L3MBTL4: variants seen among roughly 807,000 people sequenced by gnomAD.
L3MBTL4 encodes L3MBTL histone methyl-lysine binding protein 4, also known as lethal(3)malignant brain tumor-like protein 4.
In L3MBTL4, 70 loss-of-function variants were observed where a neutral mutation model predicts 84.5. The observed-to-expected ratio is 0.83, with a 90% CI of 0.68 to 1.01. The LOEUF (loss-of-function observed/expected upper bound fraction) is 1.01. Ranked by LOEUF, L3MBTL4 falls within the 50% of genes least tolerant of loss-of-function variation. The pLI is 0.00. For synonymous variants in L3MBTL4, 274 were observed against 259.8 expected (o/e 1.05, Z -0.52); for missense variants, 715 against 754.8 (o/e 0.95, Z 0.62).
intron 4 of L3MBTL4, among the ~76,000 whole-genome samples, chr18:6,287,859 A>G (rs986221212): frequency 1.3e-5 from 2 of 152,214 alleles, no homozygotes; most frequent in Non-Finnish European, 2.9e-5. Flanking sequence ...CCTGAGCAAC[A>G]TAATGAGACC....
At chr18:6,267,072 T>C (rs901642650) in intron 4 of L3MBTL4, among the ~76,000 whole-genome samples, 2 of 152,056 alleles carry the variant, frequency 1.3e-5, no homozygotes, top group Admixed American at 6.5e-5. Context: ...AGATGAAAAA[T>C]AAATCATATA....
intron 12 of L3MBTL4, among the ~76,000 whole-genome samples, chr18:6,172,740 ATTAT>A (rs890107922): frequency 1.3e-5 from 2 of 152,184 alleles, no homozygotes; most frequent in African/African-American, 4.8e-5. Context: ...CTTAAAAATA[ATTAT>A]TTCTTTTAAA....
chr18:6,254,602 A>G (rs1679993748), intron 5 of L3MBTL4, among the ~76,000 whole-genome samples: 1 of 152,094 alleles, frequency 6.6e-6, no homozygotes, highest in African/African-American at 2.4e-5. Context: ...TCATAGATTA[A>G]TTCTGAACTT....
chr18:6,086,274 C>T (rs115280765), intron 15 of L3MBTL4, among the ~76,000 whole-genome samples: 296 of 152,310 alleles, frequency 1.9e-3, no homozygotes, highest in African/African-American at 7.0e-3. Context: ...ACTAATATTT[C>T]CTCTACACAA....
At chr18:6,240,346 T>C (rs2047401851) in intron 8 of L3MBTL4, among the ~76,000 whole-genome samples, 1 of 151,466 alleles carries the variant, frequency 6.6e-6, no homozygotes, top group Non-Finnish European at 1.5e-5. Context: ...AGTGGCTTTT[T>C]CAATATTTAA....
intron 1 of L3MBTL4, among the ~76,000 whole-genome samples, chr18:6,406,736 C>T (rs1475392031): frequency 7.2e-5 from 11 of 152,178 alleles, no homozygotes; most frequent in East Asian, 1.9e-4. Context: ...TTCCTGTTAA[C>T]TGTACCGAGA....
chr18:5,995,884 G>A lies in L3MBTL4; in HGVS notation c.1445-26322C>T, dbSNP rs764796432. ...CCATTGATCCCCGCTACTTAGCAACGCTGTCTTTGTTATTTTGAGTTTTCA... is the reference window on the plus strand; with the variant it reads ...CCATTGATCCCCGCTACTTAGCAACACTGTCTTTGTTATTTTGAGTTTTCA... On this transcript the variant is annotated intron_variant, in intron 16 of 18. Coordinates refer to ENST00000317931, the MANE Select transcript of L3MBTL4 (RefSeq NM_001330559.2). Among the ~76,000 whole-genome samples the A allele has an allele frequency of 5.9e-5, 9 of 152,270 alleles. No individual in the cohort carries two copies. In the South Asian group the frequency reaches 6.2e-4, roughly 11 times the overall value.
intron 12 of L3MBTL4, among the ~76,000 whole-genome samples, chr18:6,173,047 A>C (rs1038784264): frequency 3.3e-5 from 5 of 152,190 alleles, no homozygotes; most frequent in Non-Finnish European, 1.5e-5. Flanking sequence ...GCTCCACCTC[A>C]ACCCTACTGA....
At chr18:5,989,588 A>T (rs2053600472) in intron 16 of L3MBTL4, among the ~76,000 whole-genome samples, 1 of 152,072 alleles carries the variant, frequency 6.6e-6, no homozygotes, top group African/African-American at 2.4e-5. Context: ...CAACCAACCC[A>T]CCCACCCAAT....
chr18:6,374,405 C>A (rs577929637), intron 1 of L3MBTL4: 1 of 154,910 alleles, frequency 6.5e-6, no homozygotes, highest in African/African-American at 2.4e-5. Flanking sequence ...AAATAAACTC[C>A]CTGGCAATGT....
intron 3 of L3MBTL4, 55 bp from the exon 4 acceptor site, chr18:6,302,012 C>T (rs2050361591): frequency 7.3e-7 from 1 of 1,362,416 alleles, no homozygotes; most frequent in African/African-American, 1.4e-5. Flanking sequence ...GTTGGAAACA[C>T]TGAAAACTAA....
intron 1 of L3MBTL4, among the ~76,000 whole-genome samples, chr18:6,318,149 T>C (rs947005692): frequency 6.6e-6 from 1 of 151,944 alleles, no homozygotes; most frequent in African/African-American, 2.4e-5. Context: ...TAGAATAGAA[T>C]CTCTTGAAAG....
At position 6,320,291 on chromosome 18, in the gene L3MBTL4, A is replaced by G. The variant is rs76447538; in HGVS notation, c.-90-8235T>C. Among the ~76,000 whole-genome samples, 723 of 152,218 alleles carry G rather than the reference A, an allele frequency of 4.7e-3. 5 individuals are homozygous for G. The highest frequency in any genetic ancestry group is 0.017 in the African/African-American group (690 of 41,558). The stretch of plus-strand genomic sequence containing the variant: ...AACAGAGTATTGGAATCATAGCCAT[A>G]GCAATCAGTCAAGAGGAAGAAATAA... On this transcript the variant is annotated intron_variant, in intron 1 of 18. Coordinates refer to ENST00000317931, the MANE Select transcript of L3MBTL4 (RefSeq NM_001330559.2).
intron 16 of L3MBTL4, among the ~76,000 whole-genome samples, chr18:6,024,775 A>C (rs933293037): frequency 6.6e-6 from 1 of 152,132 alleles, no homozygotes; most frequent in African/African-American, 2.4e-5. Flanking sequence ...TTTTTTTTCT[A>C]ATTACTCAAA....
chr18:6,147,980 A>T (rs1055342827), intron 13 of L3MBTL4, among the ~76,000 whole-genome samples: 6 of 152,220 alleles, frequency 3.9e-5, no homozygotes, highest in Admixed American at 6.5e-5. Context: ...CTCATATTTA[A>T]ATATGAGTAC....
intron 16 of L3MBTL4, among the ~76,000 whole-genome samples, chr18:6,003,664 C>G (rs963114752): frequency 1.3e-5 from 2 of 151,950 alleles, no homozygotes; most frequent in Non-Finnish European, 2.9e-5. Flanking sequence ...AATCATGTTT[C>G]AATAGATTGA....
At chr18:6,307,579 C>T (rs343241) in intron 3 of L3MBTL4, among the ~76,000 whole-genome samples, 5,197 of 152,184 alleles carry the variant, frequency 0.034, 235 homozygotes, top group African/African-American at 0.11. Flanking sequence ...CTCAAGCTCC[C>T]GATGACTCTA....
chr18:6,393,053 C>T (rs2055123189), intron 1 of L3MBTL4, among the ~76,000 whole-genome samples: 1 of 150,048 alleles, frequency 6.7e-6, no homozygotes, highest in South Asian at 2.1e-4. Context: ...CCAAAAACCA[C>T]TTGTAACCCA....
At chr18:6,362,896 G>T (rs775523529) in intron 1 of L3MBTL4, among the ~76,000 whole-genome samples, 39 of 152,352 alleles carry the variant, frequency 2.6e-4, no homozygotes, top group Admixed American at 6.5e-4. Flanking sequence ...GGCTGGAGAA[G>T]GAAGTGTGGG....
Sources: allele counts gnomAD v4.1 joint callset (sites outside exome capture counted in the v4.1 genomes callset), GRCh38; gene constraint gnomAD v4.1.1; transcripts MANE v1.5; gene names NCBI Gene and HGNC (gene_info 2026-07-23, HGNC 2026-07-21).